CNN1: variants seen among roughly 807,000 people sequenced by gnomAD.
The protein encoded by CNN1 is calponin 1, also known as calponin-1.
In CNN1, 21 loss-of-function variants were observed where a neutral mutation model predicts 35.3. That is an observed-to-expected ratio of 0.60 (90% CI 0.42 to 0.86). CNN1 has a LOEUF of 0.86. Among genes scored for constraint, CNN1 ranks in the 40% least tolerant of loss-of-function variants. The probability of loss-of-function intolerance (pLI) is 0.00; values close to 1 mark genes in which losing one functional copy is unlikely to be tolerated. For synonymous variants in CNN1, 164 were observed against 161.8 expected (o/e 1.01, Z -0.10); for missense variants, 314 against 400.8 (o/e 0.78, Z 1.85).
chr19:11,541,653 A>G (rs1036988084), intron 2 of CNN1, among the ~76,000 whole-genome samples: 1 of 152,126 alleles, frequency 6.6e-6, no homozygotes, highest in Non-Finnish European at 1.5e-5. Context: ...CAGAGACACA[A>G]TCTCGGCTCA....
At chr19:11,539,271 G>C in intron 1 of CNN1, 1 of 1,202,310 alleles carries the variant, frequency 8.3e-7, no homozygotes, top group Non-Finnish European at 1.0e-6. Context: ...TTAACCCTTC[G>C]TGTTCTTGGG....
intron 3 of CNN1, 34 bp downstream of exon 3, chr19:11,546,775 C>G (rs774913019): frequency 1.9e-6 from 3 of 1,614,020 alleles, no homozygotes; most frequent in Non-Finnish European, 2.5e-6. Context: ...CATCCTTGCC[C>G]GCAAGCCCCT....
Position 11,549,001 on chromosome 19 carries a change from A to C in CNN1, c.502-322A>C, listed in dbSNP as rs1972652366. ...CAGGAGTTCGAGACCAGCGTGGCCA[A>C]CATGGTGAAACCCCATTTCTACTAA... On this transcript the variant is annotated intron_variant, in intron 5 of 6. Transcript: ENST00000252456. This position sits in a 1 kb window ranked among gnomAD's most constrained non-coding sequence, Gnocchi z 5.2. Among the ~76,000 whole-genome samples, 1 of 151,862 alleles carries C rather than the reference A, an allele frequency of 6.6e-6. No individual in the cohort carries two copies. Among genetic ancestry groups the C allele is most frequent in the South Asian group, 2.1e-4 (1 of 4,818 alleles).
Position 11,541,556 on chromosome 19 carries a change from C to T in CNN1, c.185+359C>T, listed in dbSNP as rs1165180956. Among the ~76,000 whole-genome samples, 4 of 152,080 alleles carry T rather than the reference C, an allele frequency of 2.6e-5. No homozygotes were observed. In the East Asian group the frequency reaches 7.7e-4, roughly 29 times the overall value. The stretch of plus-strand genomic sequence containing the variant: ...TGGTGATGTGAGGAGAGATGTGCAG[C>T]AATAATTAAAGGAGGCCCTGGTTTT... On this transcript the variant is annotated intron_variant, in intron 2 of 6. Transcript: ENST00000252456.
At position 11,549,770 on chromosome 19, in the gene CNN1, C is replaced by T. The variant is rs774920439; in HGVS notation, c.869C>T (p.Ala290Val). The T allele has an allele frequency of 1.9e-5, 31 of 1,612,532 alleles. No homozygotes were observed. In the Middle Eastern group the frequency reaches 8.3e-4, roughly 43 times the overall value. ...ELGEPAHNHHAHNYYNSA is the reference protein window; with the variant it reads ...ELGEPAHNHHVHNYYNSA ...GGTGAGCCCGCCCACAACCACCACG[C>T]ACACAACTACTACAATTCCGCCTAG... The change falls in exon 7 of 7, where the codon GCA becomes GTA. Residue 290 changes from alanine (A) to valine (V), a missense_variant. Coordinates refer to ENST00000252456, the MANE Select transcript of CNN1 (RefSeq NM_001299.6). This position sits in a 1 kb window ranked among gnomAD's most constrained non-coding sequence, Gnocchi z 5.2.
At chr19:11,548,351 G>A (rs531344091) in intron 5 of CNN1, among the ~76,000 whole-genome samples, 3 of 152,030 alleles carry the variant, frequency 2.0e-5, no homozygotes, top group Non-Finnish European at 4.4e-5. Context: ...ACCAGCCTGG[G>A]CAAAATAGAA....
chr19:11,547,871 G>A lies in CNN1; in HGVS notation c.465G>A (p.Gly155=). ...AEKQERKFEP[G]KLREGRNIIG... ...AGCAGGAGCGGAAATTCGAGCCGGG[G>A]AAGCTAAGAGAAGGGCGGAACATCA... Residue 155 remains glycine (G), a synonymous_variant, in exon 5 of 7, where the codon GGG becomes GGA. Transcript: ENST00000252456. 1 of 1,614,080 alleles carries A rather than the reference G, an allele frequency of 6.2e-7. No individual in the cohort carries two copies. Among genetic ancestry groups the A allele is most frequent in the Non-Finnish European group, 8.5e-7 (1 of 1,179,988 alleles).
At chr19:11,540,775 CG>C in intron 1 of CNN1, 1 of 265,488 alleles carries the variant, frequency 3.8e-6, no homozygotes, top group Non-Finnish European at 7.1e-6. Flanking sequence ...ACCAGGGTGC[CG>C]GGTGCCACCC....
chr19:11,549,581 A>T lies in CNN1; in HGVS notation c.680A>T (p.Gln227Leu). ...ATGACTGCGCCAGGGACCAAGCGGC[A>T]GATCTTCGAGCCGGGGCTGGGCATG... Reference protein sequence around the residue: ...AGMTAPGTKRQIFEPGLGMEH... With the variant: ...AGMTAPGTKRLIFEPGLGMEH... Residue 227 changes from glutamine to leucine, a missense_variant, in exon 7 of 7, where the codon CAG becomes CTG. Transcript: ENST00000252456. The surrounding 1 kb of genome is among the most constrained non-coding windows in gnomAD (Gnocchi z 5.2). The T allele has an allele frequency of 1.2e-6, 2 of 1,602,070 alleles. No individual in the cohort carries two copies. Among genetic ancestry groups the T allele is most frequent in the Non-Finnish European group, 1.7e-6 (2 of 1,171,166 alleles).
At position 11,549,678 on chromosome 19, in the gene CNN1, G is replaced by T. The variant is rs373323536; in HGVS notation, c.777G>T (p.Thr259=). ...AGGGCGCCTCGCAGCGGGGCATGAC[G>T]GTGTATGGGCTGCCACGCCAGGTCT... ...SNKGASQRGM[T]VYGLPRQVYD... The change falls in exon 7 of 7, where the codon ACG becomes ACT. Residue 259 remains threonine, a synonymous_variant. Transcript: ENST00000252456. The surrounding 1 kb of genome is among the most constrained non-coding windows in gnomAD (Gnocchi z 5.2). 5.0e-6 allele frequency: 8 copies of T among 1,614,222 alleles called. No individual in the cohort carries two copies. The South Asian group carries it at 5.5e-5, about 11-fold the overall frequency.
intron 5 of CNN1, among the ~76,000 whole-genome samples, chr19:11,548,868 T>C (rs993476344): frequency 6.6e-6 from 1 of 151,332 alleles, no homozygotes; most frequent in African/African-American, 2.4e-5. Context: ...AAAAATAGAA[T>C]AGAACAAAAT....
intron 1 of CNN1, 75 bp from the exon 2 acceptor site, chr19:11,541,001 G>T (rs1972449020): frequency 6.8e-7 from 1 of 1,465,724 alleles, no homozygotes; most frequent in Non-Finnish European, 9.1e-7. Flanking sequence ...GTTCAGACAG[G>T]ACCCAGGGAG....
At chr19:11,540,007 C>T (rs1427020329) in intron 1 of CNN1, 7 of 1,061,702 alleles carry the variant, frequency 6.6e-6, no homozygotes, top group Middle Eastern at 9.1e-4. Context: ...TGGGGGGCGG[C>T]AGGGCCAGGG....
chr19:11,545,540 A>T lies in CNN1; in HGVS notation c.186-1135A>T, dbSNP rs1041123136. ...GGGAAGCTGCATGTCAGGAGTCTGG[A>T]GCAGGGTGAGTTTGATTTGAGACAC... On this transcript the variant is annotated intron_variant, in intron 2 of 6. Transcript: ENST00000252456. Among the ~76,000 whole-genome samples, 12 of 151,704 alleles carry T rather than the reference A, an allele frequency of 7.9e-5. No individual in the cohort carries two copies. The East Asian group carries it at 2.3e-3, about 30-fold the overall frequency.
chr19:11,539,928 G>A, intron 1 of CNN1: 1 of 1,114,708 alleles, frequency 9.0e-7, no homozygotes, highest in African/African-American at 1.7e-5. Flanking sequence ...CGCCTTATAA[G>A]GCGGCCTCGG....
At position 11,538,920 on chromosome 19, in the gene CNN1, C is replaced by A; in HGVS notation, c.-8C>A. 1 of 1,559,382 alleles carries A rather than the reference C, an allele frequency of 6.4e-7. No homozygotes were observed. Among genetic ancestry groups the A allele is most frequent in the Non-Finnish European group, 8.7e-7 (1 of 1,151,366 alleles). On this transcript the variant is annotated 5_prime_UTR_variant, in exon 1 of 7. Transcript: ENST00000252456. ...CGCCACTGCCCCCGCCAGAGCCCAC[C>A]GGCCAGCATGTCCTCTGCTCACTTC...
At chr19:11,539,681 C>A in intron 1 of CNN1, 1 of 686,728 alleles carries the variant, frequency 1.5e-6, no homozygotes, top group Non-Finnish European at 2.3e-6. Context: ...ACAGTATTGC[C>A]GAGGGAGGAG....
chr19:11,549,967 G>C lies in CNN1; in HGVS notation c.*172G>C, dbSNP rs542006621. ...GAGCAGACTGGCGGGGGGCCCATTG[G>C]GGGGAAGGGGACCCTCCGCTCTGTA... On this transcript the variant is annotated 3_prime_UTR_variant, in exon 7 of 7. Transcript: ENST00000252456. This position sits in a 1 kb window ranked among gnomAD's most constrained non-coding sequence, Gnocchi z 5.2. The C allele has an allele frequency of 1.0e-5, 10 of 988,644 alleles. No individual in the cohort carries two copies. The highest frequency in any genetic ancestry group is 1.7e-5 in the South Asian group (1 of 58,814). The allele number at this position is 988,644 out of a possible 1,614,324, so 61.2% of individuals were successfully genotyped here. A position where few individuals can be genotyped will look rare whatever the true frequency, so the allele number is the denominator to read the frequency against.
At position 11,549,964 on chromosome 19, in the gene CNN1, T is replaced by C. The variant is rs35986026; in HGVS notation, c.*169T>C. The C allele has an allele frequency of 6.1e-3, 6,328 of 1,042,782 alleles. 48 individuals are homozygous for C. Among genetic ancestry groups the C allele is most frequent in the South Asian group, 0.028 (1,697 of 59,964 alleles). The allele number at this position is 1,042,782 out of a possible 1,614,324, so 64.6% of individuals were successfully genotyped here. Reference sequence around the variant, plus strand: ...AGAGAGCAGACTGGCGGGGGGCCCATTGGGGGGAAGGGGACCCTCCGCTCT... The same window carrying C: ...AGAGAGCAGACTGGCGGGGGGCCCACTGGGGGGAAGGGGACCCTCCGCTCT... On this transcript the variant is annotated 3_prime_UTR_variant, in exon 7 of 7. Transcript: ENST00000252456. This position sits in a 1 kb window ranked among gnomAD's most constrained non-coding sequence, Gnocchi z 5.2.
Sources: gnomAD v4.1 joint callset for allele counts (sites outside exome capture counted in the v4.1 genomes callset) on GRCh38, gnomAD v4.1.1 for gene constraint, Gnocchi (gnomAD v3.1) non-coding constraint, MANE v1.5 for transcripts, NCBI Gene and HGNC (gene_info 2026-07-23, HGNC 2026-07-21) for gene names.